CPQ: variants seen among roughly 807,000 people sequenced by gnomAD.
The protein encoded by CPQ is Ser-Met dipeptidase.
CPQ carries 37 observed loss-of-function variants against 45.7 expected under a neutral mutation model. The observed-to-expected ratio is 0.81, with a 90% confidence interval of 0.62 to 1.07. The LOEUF (loss-of-function observed/expected upper bound fraction) is 1.07. Ranked by LOEUF, CPQ falls within the 50% of genes least tolerant of loss-of-function variation. The pLI, the probability that CPQ is intolerant of heterozygous loss-of-function variation, is 0.00. For missense variants in CPQ, 537 were observed against 572.9 expected, an observed-to-expected ratio of 0.94 and a Z score of 0.64; for synonymous variants, 186 against 205.8, an observed-to-expected ratio of 0.90 and a Z score of 0.82.
At chr8:96,832,467 C>CACTG (rs755680037) in intron 2 of CPQ, among the ~76,000 whole-genome samples, 1 of 152,178 alleles carries the variant, frequency 6.6e-6, no homozygotes, top group South Asian at 2.1e-4. Flanking sequence ...GTACGCCAGG[C>CACTG]ACTGGGTTAG....
intron 4 of CPQ, among the ~76,000 whole-genome samples, chr8:96,908,136 G>GTGTC (rs1812603570): frequency 6.7e-6 from 1 of 150,336 alleles, no homozygotes; most frequent in Non-Finnish European, 1.5e-5. Context: ...GTGTGTGTGT[G>GTGTC]TGTGTGTCTG....
chr8:96,992,687 T>C (rs1221141916), intron 5 of CPQ, among the ~76,000 whole-genome samples: 5 of 152,170 alleles, frequency 3.3e-5, no homozygotes, highest in Non-Finnish European at 5.9e-5. Flanking sequence ...GGCCATAGTA[T>C]TAATTAGTAT....
chr8:96,669,523 A>T (rs1808974347), intron 1 of CPQ, among the ~76,000 whole-genome samples: 2 of 152,218 alleles, frequency 1.3e-5, no homozygotes, highest in Admixed American at 1.3e-4. Flanking sequence ...ACATAATATA[A>T]ATATCTGGGT....
intron 7 of CPQ, among the ~76,000 whole-genome samples, chr8:97,087,798 A>T (rs1335964125): frequency 6.6e-6 from 1 of 152,216 alleles, no homozygotes; most frequent in South Asian, 2.1e-4. Flanking sequence ...GTTATTGCTA[A>T]CATGGAATAT....
chr8:96,989,466 C>T (rs7817424), intron 5 of CPQ, among the ~76,000 whole-genome samples: 6,832 of 36,176 alleles, frequency 0.19, 339 homozygotes, highest in African/African-American at 0.34. Flanking sequence ...AGGAGCAGAG[C>T]GGAGGGGAGG....
intron 1 of CPQ, among the ~76,000 whole-genome samples, chr8:96,686,828 T>C (rs957141089): frequency 1.3e-5 from 2 of 152,192 alleles, no homozygotes; most frequent in African/African-American, 4.8e-5. Context: ...AACTATTTTG[T>C]TGGGAGTAAA....
intron 1 of CPQ, among the ~76,000 whole-genome samples, chr8:96,650,502 T>A (rs1161395693): frequency 6.6e-6 from 1 of 152,220 alleles, no homozygotes; most frequent in Non-Finnish European, 1.5e-5. Context: ...AAATCTGGCA[T>A]GAAGGAGGCT....
intron 7 of CPQ, 39 bp from the exon 8 acceptor site, chr8:97,142,980 CA>C (rs778313312): frequency 6.2e-7 from 1 of 1,604,402 alleles, no homozygotes; most frequent in Non-Finnish European, 8.5e-7. Context: ...CAGTGTCTGT[CA>C]AAATACTCCA....
chr8:96,996,737 T>G (rs574243890), intron 5 of CPQ, among the ~76,000 whole-genome samples: 1 of 152,180 alleles, frequency 6.6e-6, no homozygotes, highest in Admixed American at 6.6e-5. Context: ...ATTTGTCTAT[T>G]TTTTTCATAT....
rs1199469664 is a variant in CPQ, at chr8:96,730,868, T to TAC, written c.-34-53995_-34-53994insCA. Among the ~76,000 whole-genome samples, 466 of 99,540 alleles carry TAC rather than the reference T, an allele frequency of 4.7e-3. 13 individuals carry two copies. The highest frequency in any genetic ancestry group is 0.011 in the African/African-American group (356 of 31,758). The allele number at this position is 99,540 out of a possible 152,430, so 65.3% of individuals were successfully genotyped here. On this transcript the variant is annotated intron_variant, in intron 1 of 7. Transcript: ENST00000220763. ...TCTAGATCAATTAACCATACATACA[T>TAC]ATATATATATATATATATATATATG...
At chr8:96,723,293 T>G (rs1809791852) in intron 1 of CPQ, among the ~76,000 whole-genome samples, 1 of 152,134 alleles carries the variant, frequency 6.6e-6, no homozygotes, top group Non-Finnish European at 1.5e-5. Flanking sequence ...ATTAAGCAAA[T>G]TAAATAAAAT....
chr8:96,784,950 G>A lies in CPQ; in HGVS notation c.53G>A (p.Cys18Tyr). The change falls in exon 2 of 8, where the codon TGC (cysteine) becomes TAC (tyrosine). Residue 18 changes from cysteine to tyrosine, a missense_variant. By Grantham distance (194) the Cys-to-Tyr change is radical. Coordinates refer to ENST00000220763, the MANE Select transcript of CPQ (RefSeq NM_016134.4). Reference sequence around the variant, plus strand: ...GGTGGTGTTCACCTTTTATCCCTGTGCTCTGGGAAAGCTATATGCAAGAAT... The same window carrying A: ...GGTGGTGTTCACCTTTTATCCCTGTACTCTGGGAAAGCTATATGCAAGAAT... ...FFGGVHLLSLCSGKAICKNGI... is the reference protein window; with the variant it reads ...FFGGVHLLSLYSGKAICKNGI... The A allele has an allele frequency of 6.2e-7, 1 of 1,613,640 alleles. No individual in the cohort carries two copies. Among genetic ancestry groups the A allele is most frequent in the Non-Finnish European group, 8.5e-7 (1 of 1,179,708 alleles).
At chr8:96,791,875 T>C (rs1343163652) in intron 2 of CPQ, among the ~76,000 whole-genome samples, 3 of 152,186 alleles carry the variant, frequency 2.0e-5, no homozygotes, top group Non-Finnish European at 4.4e-5. Flanking sequence ...AAATGAGAGA[T>C]GGTTGGAATG....
At chr8:96,949,901 T>C (rs1813236195) in intron 4 of CPQ, among the ~76,000 whole-genome samples, 1 of 152,138 alleles carries the variant, frequency 6.6e-6, no homozygotes, top group Non-Finnish European at 1.5e-5. Context: ...CACAGAGATG[T>C]TTATCTGGTT....
chr8:96,878,156 T>C (rs1305383627), intron 3 of CPQ, among the ~76,000 whole-genome samples: 5 of 152,002 alleles, frequency 3.3e-5, no homozygotes, highest in African/African-American at 1.2e-4. Flanking sequence ...TTAGTAGAGA[T>C]GGGGTTTCCC....
intron 4 of CPQ, among the ~76,000 whole-genome samples, chr8:96,941,806 A>G (rs528379275): frequency 1.3e-5 from 2 of 152,306 alleles, no homozygotes; most frequent in African/African-American, 4.8e-5. Context: ...TTGATGAGAT[A>G]AGCACTGTTT....
At chr8:96,834,763 A>T (rs1322187801) in intron 2 of CPQ, among the ~76,000 whole-genome samples, 1 of 152,128 alleles carries the variant, frequency 6.6e-6, no homozygotes, top group Admixed American at 6.6e-5. Flanking sequence ...TATGATTTTT[A>T]TGTTATATTA....
In CPQ at chr8:96,666,128, C is replaced by T. The variant is rs150324269; in HGVS notation, c.-35+20726C>T. Among the ~76,000 whole-genome samples, 377 of 152,154 alleles carry T rather than the reference C, an allele frequency of 2.5e-3. 2 individuals are homozygous for T. The highest frequency in any genetic ancestry group is 8.5e-3 in the African/African-American group (351 of 41,516). ...AGGTTTGGCTAGTTTGAATGATTTT[C>T]GTGGGCTCTGGGTTGTAGAGTTCTT... is the stretch of plus-strand genomic sequence containing the variant. On this transcript the variant is annotated intron_variant, in intron 1 of 7. Transcript: ENST00000220763.
At chr8:96,858,615 C>T (rs140771045) in intron 3 of CPQ, among the ~76,000 whole-genome samples, 21 of 152,332 alleles carry the variant, frequency 1.4e-4, no homozygotes, top group African/African-American at 5.1e-4. Context: ...CCTTTCAAGG[C>T]AGACGGGTTG....
Sources: gnomAD v4.1 joint callset for allele counts (sites outside exome capture counted in the v4.1 genomes callset) on GRCh38, gnomAD v4.1.1 for gene constraint, MANE v1.5 for transcripts, NCBI Gene and HGNC (gene_info 2026-07-23, HGNC 2026-07-21) for gene names.